The following MS4A4A variants were observed in gnomAD, a reference collection of about 807,000 sequenced individuals.
MS4A4A encodes membrane-spanning 4-domains subfamily A member 4A.
MS4A4A carries 26 observed loss-of-function variants against 28.0 expected under a neutral mutation model. That is an observed-to-expected ratio of 0.93 (90% CI 0.68 to 1.29). The LOEUF is 1.29. MS4A4A is among the 50% of genes most tolerant of loss of function. The pLI is 0.00. For missense variants in MS4A4A, 290 were observed against 293.1 expected (o/e 0.99, Z 0.08); for synonymous variants, 86 against 100.8 (o/e 0.85, Z 0.88).
chr11:60,288,886 T>C (rs1449228548), intron 1 of MS4A4A, among the ~76,000 whole-genome samples: 1 of 152,160 alleles, frequency 6.6e-6, no homozygotes, highest in East Asian at 1.9e-4. Flanking sequence ...GCCTGGATTG[T>C]TGGGTGACAC....
chr11:60,286,324 G>C (rs2084803573), intron 1 of MS4A4A, among the ~76,000 whole-genome samples: 1 of 152,166 alleles, frequency 6.6e-6, no homozygotes, highest in African/African-American at 2.4e-5. Context: ...AGCTTACGAA[G>C]ATGACGGGAT....
At chr11:60,284,744 A>G (rs2084789052) in intron 1 of MS4A4A, among the ~76,000 whole-genome samples, 1 of 152,228 alleles carries the variant, frequency 6.6e-6, no homozygotes, top group Non-Finnish European at 1.5e-5. Flanking sequence ...ATTCAGACCT[A>G]TATCGACACT....
chr11:60,298,678 T>G (rs1310907093), intron 3 of MS4A4A, among the ~76,000 whole-genome samples: 1 of 152,216 alleles, frequency 6.6e-6, no homozygotes, highest in African/African-American at 2.4e-5. Flanking sequence ...TTTCTGTTTT[T>G]ATTTCCGTTT....
At chr11:60,281,550 C>T (rs936163168) in intron 1 of MS4A4A, among the ~76,000 whole-genome samples, 1 of 152,206 alleles carries the variant, frequency 6.6e-6, no homozygotes, top group African/African-American at 2.4e-5. Context: ...GCATCCCCAT[C>T]ATCCTTCTAA....
At chr11:60,294,916 T>G (rs867014220) in intron 2 of MS4A4A, among the ~76,000 whole-genome samples, 1 of 149,260 alleles carries the variant, frequency 6.7e-6, no homozygotes, top group Non-Finnish European at 1.5e-5. Flanking sequence ...TTCTTCTTCT[T>G]CTTCTTCTTC....
chr11:60,296,013 A>T (rs972853245), intron 2 of MS4A4A, among the ~76,000 whole-genome samples: 1 of 152,084 alleles, frequency 6.6e-6, no homozygotes, highest in African/African-American at 2.4e-5. Flanking sequence ...AGAATTAGTT[A>T]AGGAGTATGT....
chr11:60,286,935 T>G (rs1332371089), intron 1 of MS4A4A, among the ~76,000 whole-genome samples: 2 of 152,214 alleles, frequency 1.3e-5, no homozygotes, highest in Non-Finnish European at 2.9e-5. Flanking sequence ...GGTTTGTTTT[T>G]GTAGATATTT....
intron 1 of MS4A4A, among the ~76,000 whole-genome samples, chr11:60,285,880 G>C (rs747456921): frequency 5.3e-5 from 8 of 152,114 alleles, no homozygotes; most frequent in East Asian, 1.9e-4. Flanking sequence ...CAGGAAACAG[G>C]GTTCAAGAGC....
chr11:60,286,027 C>A (rs1331322734), intron 1 of MS4A4A, among the ~76,000 whole-genome samples: 1 of 152,164 alleles, frequency 6.6e-6, no homozygotes, highest in Non-Finnish European at 1.5e-5. Context: ...AGCGGCTGTC[C>A]ATAGGCACCC....
intron 3 of MS4A4A, among the ~76,000 whole-genome samples, chr11:60,299,733 T>C (rs2084936162): frequency 6.6e-6 from 1 of 152,196 alleles, no homozygotes; most frequent in Admixed American, 6.5e-5. Flanking sequence ...AGTGCTGGGA[T>C]TACAAGCGTG....
chr11:60,290,123 A>G, intron 1 of MS4A4A: 1 of 444,616 alleles, frequency 2.2e-6, no homozygotes, highest in Non-Finnish European at 4.6e-6. Flanking sequence ...ATTGCCTTCT[A>G]AATATGTGTC....
rs1296974215 is a variant in MS4A4A, at chr11:60,308,946, C to A, written c.*768C>A. 1 of 152,084 alleles carries A rather than the reference C, an allele frequency of 6.6e-6. No individual in the cohort carries two copies. Among genetic ancestry groups the A allele is most frequent in the Non-Finnish European group, 1.5e-5 (1 of 68,010 alleles). 9.4% of individuals were successfully genotyped at this position (152,084 alleles called of 1,614,324 possible). On this transcript the variant is annotated 3_prime_UTR_variant, in exon 7 of 7. Transcript: ENST00000337908. Reference sequence around the variant, plus strand: ...AAATACGTTTGTTTTTATTGCAGAGCAAAAATAAATCAAATTAGAAGCAAT... The same window carrying A: ...AAATACGTTTGTTTTTATTGCAGAGAAAAAATAAATCAAATTAGAAGCAAT...
At chr11:60,292,408 A>T in intron 2 of MS4A4A, 24 bp downstream of exon 2, 1 of 1,563,356 alleles carries the variant, frequency 6.4e-7, no homozygotes, top group East Asian at 2.4e-5. Context: ...CTAGGGGAAG[A>T]CCAATGGTGT....
At chr11:60,294,892 A>ACTACTACTT (rs60374079) in intron 2 of MS4A4A, among the ~76,000 whole-genome samples, 2,028 of 130,784 alleles carry the variant, frequency 0.016, 45 homozygotes, top group African/African-American at 0.039. Context: ...TACAACTACT[A>ACTACTACTT]CTTCTTCTTC....
chr11:60,286,567 G>T (rs1248680253), intron 1 of MS4A4A, among the ~76,000 whole-genome samples: 1 of 152,154 alleles, frequency 6.6e-6, no homozygotes, highest in Non-Finnish European at 1.5e-5. Context: ...CTGACTTCCC[G>T]CAACAGTAGT....
At chr11:60,287,693 A>G (rs955388089) in intron 1 of MS4A4A, among the ~76,000 whole-genome samples, 1 of 152,218 alleles carries the variant, frequency 6.6e-6, no homozygotes, top group Non-Finnish European at 1.5e-5. Context: ...GCAGATATGG[A>G]TGAGACTCAA....
At position 60,302,724 on chromosome 11, in the gene MS4A4A, A is replaced by ACTGC; in HGVS notation, c.546+10_546+13dup. On this transcript the variant is annotated splice_region_variant and intron_variant, in intron 5 of 6. Transcript: ENST00000337908. ...GACTATGTCCATCTTAATGGTTGGTACTGCCTCTTTTCAGGGGATATTATT... is the reference window on the plus strand; with the variant it reads ...GACTATGTCCATCTTAATGGTTGGTACTGCCTGCCTCTTTTCAGGGGATATTATT... 1 of 1,612,324 alleles carries ACTGC rather than the reference A, an allele frequency of 6.2e-7. No homozygotes were observed. Among genetic ancestry groups the ACTGC allele is most frequent in the South Asian group, 1.1e-5 (1 of 90,852 alleles).
rs1161891696 is a variant in MS4A4A at position 60,304,752 on chromosome 11, C to A, written c.547-1348C>A. ...CAGGTTTGAGTATGTGTGACAGAGACCTTATGGTCGGCAAAATCTAAAATG... is the reference window on the plus strand; with the variant it reads ...CAGGTTTGAGTATGTGTGACAGAGAACTTATGGTCGGCAAAATCTAAAATG... On this transcript the variant is annotated intron_variant, in intron 5 of 6. Coordinates refer to ENST00000337908, the MANE Select transcript of MS4A4A (RefSeq NM_148975.3). Among the ~76,000 whole-genome samples the A allele has an allele frequency of 2.0e-5, 3 of 152,196 alleles. 1 individual carries two copies. The highest frequency in any genetic ancestry group is 7.2e-5 in the African/African-American group (3 of 41,454).
Position 60,281,532 on chromosome 11 carries a change from C to G in MS4A4A, c.41+816C>G, listed in dbSNP as rs74851296. ...TTCCCCCTTTTCCCTTCCCATGCCA[C>G]CACTTCTGCATCCCCATCATCCTTC... On this transcript the variant is annotated intron_variant, in intron 1 of 6. Coordinates refer to ENST00000337908, the MANE Select transcript of MS4A4A (RefSeq NM_148975.3). 8.0e-3 allele frequency among the ~76,000 whole-genome samples: 1,214 copies of G among 152,292 alleles called. 17 individuals are homozygous for G. The highest frequency in any genetic ancestry group is 0.028 in the African/African-American group (1,160 of 41,552).
Sources: allele counts gnomAD v4.1 joint callset (sites outside exome capture counted in the v4.1 genomes callset), GRCh38; gene constraint gnomAD v4.1.1; transcripts MANE v1.5; gene names NCBI Gene and HGNC (gene_info 2026-07-23, HGNC 2026-07-21).